Variants in FER1L6 observed in about 807,000 individuals in gnomAD.
The protein encoded by FER1L6 is fer-1 like family member 6, also known as fer-1-like protein 6.
FER1L6 carries 177 observed loss-of-function variants against 219.2 expected under a neutral mutation model. The ratio of observed to expected loss-of-function variants is 0.81; its 90% CI spans 0.71 to 0.91. The LOEUF (loss-of-function observed/expected upper bound fraction) is 0.91. FER1L6 is among the 40% of genes least tolerant of loss of function. The pLI is 0.00. For synonymous variants in FER1L6, 768 were observed against 824.3 expected (o/e 0.93, Z 1.17); for missense variants, 2,153 against 2,259.9 (o/e 0.95, Z 0.96).
intron 31 of FER1L6, among the ~76,000 whole-genome samples, chr8:124,072,399 T>C (rs1164634846): frequency 6.6e-6 from 1 of 152,224 alleles, no homozygotes; most frequent in Non-Finnish European, 1.5e-5. Flanking sequence ...CCAAATTTAA[T>C]GCTCCATCAA....
intron 32 of FER1L6, among the ~76,000 whole-genome samples, chr8:124,079,092 C>T (rs1461319894): frequency 6.6e-6 from 1 of 152,110 alleles, no homozygotes; most frequent in African/African-American, 2.4e-5. Flanking sequence ...CTCCACATGG[C>T]CTGCTCCCTG....
rs1055188616 is a variant in FER1L6, at chr8:124,035,214, A to C, written c.2287-63A>C. ...GTCTCCAGGAAGGACCTCTTTTCTC[A>C]AAAGGGGAGGCCTATAATTATCTCC... On this transcript the variant is annotated intron_variant, in intron 18 of 40. Coordinates refer to ENST00000522917, the MANE Select transcript of FER1L6 (RefSeq NM_001039112.2). 3.3e-6 allele frequency: 5 copies of C among 1,536,248 alleles called. No homozygotes were observed. The African/African-American group carries it at 6.9e-5, about 21-fold the overall frequency.
chr8:124,070,807 G>A lies in FER1L6; in HGVS notation c.3966+209G>A, dbSNP rs138141540. Among the ~76,000 whole-genome samples the A allele has an allele frequency of 1.2e-3, 177 of 152,260 alleles. 1 individual carries two copies. The highest frequency in any genetic ancestry group is 2.0e-3 in the Non-Finnish European group (133 of 68,010). On this transcript the variant is annotated intron_variant, in intron 30 of 40. Transcript: ENST00000522917. ...GACCAGTGGATTGGAGCTCAGTCTG[G>A]TGAAAAATAAGGAGACAGAGTCATT...
intron 1 of FER1L6, among the ~76,000 whole-genome samples, chr8:123,925,048 GC>G (rs1201656553): frequency 6.6e-6 from 1 of 152,186 alleles, no homozygotes; most frequent in Non-Finnish European, 1.5e-5. Context: ...ATTTTTGATT[GC>G]CCATCTGATT....
chr8:123,884,525 G>A (rs1174393625), intron 1 of FER1L6, among the ~76,000 whole-genome samples: 1 of 152,230 alleles, frequency 6.6e-6, no homozygotes, highest in Non-Finnish European at 1.5e-5. Flanking sequence ...GCCTTGTGGA[G>A]CATTCTAGAA....
At chr8:124,083,049 TGG>T (rs1185607435) in intron 33 of FER1L6, among the ~76,000 whole-genome samples, 1 of 151,966 alleles carries the variant, frequency 6.6e-6, no homozygotes, top group Non-Finnish European at 1.5e-5. Flanking sequence ...TACATATATA[TGG>T]GGTATATGAC....
intron 19 of FER1L6, among the ~76,000 whole-genome samples, chr8:124,037,488 G>C (rs1819271621): frequency 6.6e-6 from 1 of 152,212 alleles, no homozygotes; most frequent in African/African-American, 2.4e-5. Flanking sequence ...TGGGGACAGA[G>C]GGACAGTGGG....
chr8:123,890,205 T>C (rs1371926883), intron 1 of FER1L6, among the ~76,000 whole-genome samples: 1 of 152,114 alleles, frequency 6.6e-6, no homozygotes, highest in African/African-American at 2.4e-5. Context: ...TACTTACTGG[T>C]CATGTGCCTA....
At chr8:124,039,760 C>A in intron 19 of FER1L6, 122 bp from the exon 20 acceptor site, 1 of 1,250,812 alleles carries the variant, frequency 8.0e-7, no homozygotes, top group Non-Finnish European at 1.1e-6. Context: ...GTGGATGTGG[C>A]TGGTGGTCTC....
At chr8:124,001,640 A>G (rs1369357323) in intron 12 of FER1L6, among the ~76,000 whole-genome samples, 1 of 152,206 alleles carries the variant, frequency 6.6e-6, no homozygotes, top group Non-Finnish European at 1.5e-5. Context: ...TCCTAAGGTA[A>G]GAATAATGAA....
intron 37 of FER1L6, among the ~76,000 whole-genome samples, chr8:124,100,193 A>C (rs1455213011): frequency 6.6e-6 from 1 of 152,218 alleles, no homozygotes; most frequent in African/African-American, 2.4e-5. Flanking sequence ...ACACGGTTTG[A>C]AATTATCAAC....
intron 5 of FER1L6, among the ~76,000 whole-genome samples, chr8:123,968,897 C>G (rs572676828): frequency 4.7e-4 from 72 of 152,250 alleles, no homozygotes; most frequent in Non-Finnish European, 8.7e-4. Flanking sequence ...TCTAAGGGGC[C>G]ATTCTTCCAC....
chr8:124,010,724 T>C lies in FER1L6; in HGVS notation c.1821+10T>C, dbSNP rs746218254. On this transcript the variant is annotated intron_variant, in intron 14 of 40. Coordinates refer to ENST00000522917, the MANE Select transcript of FER1L6 (RefSeq NM_001039112.2). ...AATGGCAGACTTCCTGGTAGGTGAC[T>C]CTGACAGGTGATGGATTAGAGAATT... 1 of 1,612,560 alleles carries C rather than the reference T, an allele frequency of 6.2e-7. No individual in the cohort carries two copies. The highest frequency in any genetic ancestry group is 1.7e-5 in the Admixed American group (1 of 59,856).
At chr8:124,108,537 T>C (rs1036972391) in intron 39 of FER1L6, among the ~76,000 whole-genome samples, 1 of 152,134 alleles carries the variant, frequency 6.6e-6, no homozygotes, top group Non-Finnish European at 1.5e-5. Flanking sequence ...TACCTAAATA[T>C]CTTAGTCAAT....
At chr8:123,956,950 G>A (rs925013098) in intron 2 of FER1L6, among the ~76,000 whole-genome samples, 1 of 152,238 alleles carries the variant, frequency 6.6e-6, no homozygotes, top group Non-Finnish European at 1.5e-5. Flanking sequence ...GATCCTCAGT[G>A]TTTATTGAAT....
intron 1 of FER1L6, among the ~76,000 whole-genome samples, chr8:123,932,799 T>A (rs968238236): frequency 6.6e-6 from 1 of 152,214 alleles, no homozygotes; most frequent in Non-Finnish European, 1.5e-5. Context: ...ATATTGTGCT[T>A]ATGTGTATGA....
Position 124,091,515 on chromosome 8 carries a change from A to G in FER1L6, c.4484A>G (p.His1495Arg), listed in dbSNP as rs1198194750. The change falls in exon 34 of 41, where the codon CAC becomes CGC. Residue 1495 changes from histidine (H) to arginine (R), a missense_variant. His to Arg is a conservative substitution (Grantham distance 29). Coordinates refer to ENST00000522917, the MANE Select transcript of FER1L6 (RefSeq NM_001039112.2). ...AACAAGCTGGATGGACCCTACTTTC[A>G]CCCTGGGAAAATACAGATAGGAAAC... ...KDNKLDGPYFHPGKIQIGNQV... is the reference protein window; with the variant it reads ...KDNKLDGPYFRPGKIQIGNQV... 6.2e-7 allele frequency: 1 copy of G among 1,614,060 alleles called. No individual in the cohort carries two copies. The highest frequency in any genetic ancestry group is 1.1e-5 in the South Asian group (1 of 91,076).
Position 124,040,004 on chromosome 8 carries a change from A to G in FER1L6, c.2587A>G (p.Lys863Glu). 13 of 1,614,046 alleles carry G rather than the reference A, an allele frequency of 8.1e-6. No individual in the cohort carries two copies. The highest frequency in any genetic ancestry group is 1.1e-5 in the Non-Finnish European group (13 of 1,179,936). The change falls in exon 20 of 41, where the codon AAG becomes GAG. Residue 863 changes from lysine (K) to glutamate (E), a missense_variant and splice_region_variant. Physicochemically the swap from Lys to Glu is moderately conservative, Grantham distance 56. Transcript: ENST00000522917. ...VTFLSHCQTT[K>E]IISQTLSPTW... Reference sequence around the variant, plus strand: ...GTTCCTTTCTCACTGCCAGACAACAAAGGTAACCAGGGTAACCAAGACAGC... The same window carrying G: ...GTTCCTTTCTCACTGCCAGACAACAGAGGTAACCAGGGTAACCAAGACAGC...
intron 31 of FER1L6, among the ~76,000 whole-genome samples, 175 bp downstream of exon 31, chr8:124,071,806 G>A (rs1424245149): frequency 6.6e-6 from 1 of 152,152 alleles, no homozygotes; most frequent in Non-Finnish European, 1.5e-5. Flanking sequence ...GGCCTCTCTT[G>A]CTGGTTTGTG....
Sources: allele counts gnomAD v4.1 joint callset (sites outside exome capture counted in the v4.1 genomes callset), GRCh38; gene constraint gnomAD v4.1.1; transcripts MANE v1.5; gene names NCBI Gene and HGNC (gene_info 2026-07-23, HGNC 2026-07-21).